Variants in CHEK2 observed in about 807,000 individuals in gnomAD.
The protein encoded by CHEK2 is serine/threonine-protein kinase Chk2.
CHEK2 carries 71 observed loss-of-function variants against 69.1 expected under a neutral mutation model. That is an observed-to-expected ratio of 1.03 (90% CI 0.85 to 1.25). The LOEUF (loss-of-function observed/expected upper bound fraction) is 1.25, where lower values mean the gene tolerates loss of function less well. Ranked by LOEUF, CHEK2 falls within the 50% of genes most tolerant of loss-of-function variation. The probability of loss-of-function intolerance (pLI) is 0.00; values close to 1 mark genes in which losing one functional copy is unlikely to be tolerated. For missense variants in CHEK2, 664 were observed against 649.6 expected, an observed-to-expected ratio of 1.02 and a Z score of -0.24; for synonymous variants, 189 against 226.9, an observed-to-expected ratio of 0.83 and a Z score of 1.50.
intron 7 of CHEK2, 103 bp from the exon 8 acceptor site, chr22:28,703,669 A>T: frequency 1.3e-6 from 1 of 748,502 alleles, no homozygotes; most frequent in South Asian, 1.6e-5. Context: ...GGCCAAGAAC[A>T]GGCATCTGGC....
At chr22:28,702,171 G>GTGTGTGTGT in intron 8 of CHEK2, among the ~76,000 whole-genome samples, 1 of 142,226 alleles carries the variant, frequency 7.0e-6, no homozygotes, top group East Asian at 2.0e-4. Flanking sequence ...GTGTGTGTGT[G>GTGTGTGTGT]TTTTGTACAG....
chr22:28,708,978 A>G, intron 7 of CHEK2: 1 of 423,800 alleles, frequency 2.4e-6, no homozygotes, highest in Non-Finnish European at 4.7e-6. Context: ...AAAAAAACAA[A>G]CAAAAAAAAT....
rs1555932944 is a variant in CHEK2 at position 28,734,706 on chromosome 22, C to T, written c.16G>A (p.Asp6Asn). 6.2e-7 allele frequency: 1 copy of T among 1,613,540 alleles called. No individual in the cohort carries two copies. Among genetic ancestry groups the T allele is most frequent in the Middle Eastern group, 1.6e-4 (1 of 6,062 alleles). ...CCATGAGACTGCTGAGCCTCAACAT[C>T]CGACTCCCGAGACATCACGACCTCA... Reference protein sequence around the residue: MSRESDVEAQQSHGSS... With the variant: MSRESNVEAQQSHGSS... The change falls in exon 2 of 15, where the codon GAT becomes AAT. Residue 6 changes from aspartate (D) to asparagine (N), a missense_variant. Asp to Asn is a conservative substitution (Grantham distance 23). Coordinates refer to ENST00000404276, the MANE Select transcript of CHEK2 (RefSeq NM_007194.4).
chr22:28,704,063 C>A (rs925999812), intron 7 of CHEK2, among the ~76,000 whole-genome samples: 1 of 151,424 alleles, frequency 6.6e-6, no homozygotes, highest in African/African-American at 2.4e-5. Context: ...GAGGAAAATT[C>A]TAATTTTATA....
At chr22:28,707,327 A>C (rs2053189609) in intron 7 of CHEK2, among the ~76,000 whole-genome samples, 1 of 152,184 alleles carries the variant, frequency 6.6e-6, no homozygotes, top group Admixed American at 6.5e-5. Context: ...TCTCACACTG[A>C]CCTTGTGACA....
intron 5 of CHEK2, among the ~76,000 whole-genome samples, chr22:28,713,010 T>C (rs1213975707): frequency 3.9e-5 from 6 of 152,188 alleles, no homozygotes; most frequent in Admixed American, 2.0e-4. Flanking sequence ...CCCCAGCCCC[T>C]GGCAACCACT....
intron 4 of CHEK2, among the ~76,000 whole-genome samples, chr22:28,722,653 T>C (rs999391713): frequency 1.3e-5 from 2 of 150,860 alleles, no homozygotes; most frequent in African/African-American, 2.4e-5. Flanking sequence ...AACATAGACA[T>C]AGTTCCAAGA....
intron 6 of CHEK2, among the ~76,000 whole-genome samples, 172 bp from the exon 7 acceptor site, chr22:28,710,231 C>G (rs2053345717): frequency 6.6e-6 from 1 of 152,152 alleles, no homozygotes; most frequent in African/African-American, 2.4e-5. Flanking sequence ...CCTAAAATAA[C>G]TTTGTAAAAT....
chr22:28,729,093 C>T (rs1242884389), intron 2 of CHEK2, among the ~76,000 whole-genome samples: 1 of 152,184 alleles, frequency 6.6e-6, no homozygotes, highest in East Asian at 1.9e-4. Context: ...ACACTGTCAA[C>T]TCATCTATGA....
rs141776984 is a variant in CHEK2, at chr22:28,711,974, A to C, written c.727T>G (p.Cys243Gly). ...ATGATCTTTATGGCTACTTTCTTAC[A>C]TGTTTTCCTCTCGAAAGCCAGCTTT... Reference protein sequence around the residue: ...EVKLAFERKTCKKVAIKIISK... With the variant: ...EVKLAFERKTGKKVAIKIISK... The change falls in exon 6 of 15, where the codon TGT (cysteine) becomes GGT (glycine). Residue 243 changes from cysteine to glycine, a missense_variant. By Grantham distance (159) the Cys-to-Gly change is radical. Transcript: ENST00000404276. 1.2e-6 allele frequency: 2 copies of C among 1,613,982 alleles called. No individual in the cohort carries two copies. Among genetic ancestry groups the C allele is most frequent in the East Asian group, 4.5e-5 (2 of 44,878 alleles).
In CHEK2 at chr22:28,719,438, TAGGATA is replaced by T. The variant is rs1418870415; in HGVS notation, c.634_639del (p.Tyr212_Pro213del). On this transcript the variant is annotated inframe_deletion, in exon 5 of 15. Transcript: ENST00000404276. ...ATGATGTATTCATCTCTTAATGCCTTAGGATAAACTGACTGATCATCTACAGTCAGA... is the reference window on the plus strand; with the variant it reads ...ATGATGTATTCATCTCTTAATGCCTTAACTGACTGATCATCTACAGTCAGA... The T allele has an allele frequency of 1.3e-6, 2 of 1,598,112 alleles. No homozygotes were observed. The highest frequency in any genetic ancestry group is 2.3e-5 in the South Asian group (2 of 88,888).
In CHEK2 at chr22:28,733,011, C is replaced by T. The variant is rs17883120; in HGVS notation, c.319+1392G>A. ...TTTGCCATGTTGCCCAAGCTGGTTT[C>T]GAACTCCTGGCCTCAAGTGATCCTC... On this transcript the variant is annotated intron_variant, in intron 2 of 14. Transcript: ENST00000404276. Among the ~76,000 whole-genome samples the T allele has an allele frequency of 9.9e-5, 15 of 152,208 alleles. No homozygotes were observed. In the South Asian group the frequency reaches 3.1e-3, roughly 32 times the overall value.
At chr22:28,738,644 C>T (rs1230373584) in intron 1 of CHEK2, among the ~76,000 whole-genome samples, 1 of 152,172 alleles carries the variant, frequency 6.6e-6, no homozygotes, top group Non-Finnish European at 1.5e-5. Context: ...AACTCCAGGA[C>T]TGTAGACAGA....
chr22:28,708,456 C>T (rs986671573), intron 7 of CHEK2, among the ~76,000 whole-genome samples: 3 of 149,190 alleles, frequency 2.0e-5, no homozygotes, highest in African/African-American at 4.9e-5. Context: ...TCAGAGAGGA[C>T]GAATAATTTG....
chr22:28,699,457 C>G (rs191214631), intron 9 of CHEK2, among the ~76,000 whole-genome samples: 2 of 150,744 alleles, frequency 1.3e-5, no homozygotes, highest in Admixed American at 6.6e-5. Flanking sequence ...CCTCCACCTC[C>G]CAGTTCAAGT....
At chr22:28,713,879 C>A (rs2053495542) in intron 5 of CHEK2, among the ~76,000 whole-genome samples, 1 of 151,954 alleles carries the variant, frequency 6.6e-6, no homozygotes, top group African/African-American at 2.4e-5. Context: ...CGGGGTTTCA[C>A]CATGTTGGGC....
rs2053898160 is a variant in CHEK2 at position 28,724,050 on chromosome 22, C to T, written c.592+927G>A. Among the ~76,000 whole-genome samples, 11 of 152,298 alleles carry T rather than the reference C, an allele frequency of 7.2e-5. No homozygotes were observed. The South Asian group carries it at 2.3e-3, about 32-fold the overall frequency. Reference sequence around the variant, plus strand: ...AACAACAATTCATAGATATCTAAGACTGATGTGGTATAAACTGAATCAATC... The same window carrying T: ...AACAACAATTCATAGATATCTAAGATTGATGTGGTATAAACTGAATCAATC... On this transcript the variant is annotated intron_variant, in intron 4 of 14. Transcript: ENST00000404276.
intron 4 of CHEK2, among the ~76,000 whole-genome samples, chr22:28,723,034 A>G (rs1466316570): frequency 6.6e-6 from 1 of 152,164 alleles, no homozygotes; most frequent in Non-Finnish European, 1.5e-5. Flanking sequence ...CTAAAGAAAA[A>G]TTGTATTCCT....
At chr22:28,702,384 GC>G (rs1391538798) in intron 8 of CHEK2, among the ~76,000 whole-genome samples, 1 of 151,010 alleles carries the variant, frequency 6.6e-6, no homozygotes, top group Admixed American at 6.6e-5. Flanking sequence ...GACTACAGGA[GC>G]CCACCACCAC....
Sources: allele counts gnomAD v4.1 joint callset (sites outside exome capture counted in the v4.1 genomes callset), GRCh38; gene constraint gnomAD v4.1.1; transcripts MANE v1.5; gene names NCBI Gene and HGNC (gene_info 2026-07-23, HGNC 2026-07-21).